CHST11: variants seen among roughly 807,000 people sequenced by gnomAD.
CHST11 encodes C4S-1.
A neutral mutation model predicts 30.4 loss-of-function variants in CHST11; 9 were observed. The observed-to-expected ratio is 0.30, with a 90% CI of 0.18 to 0.52. The LOEUF (loss-of-function observed/expected upper bound fraction) is 0.52. Among genes scored for constraint, CHST11 ranks in the 20% least tolerant of loss-of-function variants. The probability of loss-of-function intolerance (pLI) is 0.97; values close to 1 mark genes in which losing one functional copy is unlikely to be tolerated. For synonymous variants in CHST11, 152 were observed against 187.8 expected, an observed-to-expected ratio of 0.81 and a Z score of 1.56; for missense variants, 348 against 460.6, an observed-to-expected ratio of 0.76 and a Z score of 2.24.
chr12:104,535,911 T>A (rs1264572188), intron 1 of CHST11, among the ~76,000 whole-genome samples: 1 of 152,228 alleles, frequency 6.6e-6, no homozygotes, highest in Admixed American at 6.5e-5. Context: ...CCATATACAG[T>A]GGATTGTGAA....
chr12:104,673,011 T>G (rs954361695), intron 2 of CHST11, among the ~76,000 whole-genome samples: 1 of 152,226 alleles, frequency 6.6e-6, no homozygotes, highest in Non-Finnish European at 1.5e-5. Flanking sequence ...TCAGCAAAGC[T>G]GTACTCCCTC....
chr12:104,460,358 GA>G (rs1305755766), intron 1 of CHST11, among the ~76,000 whole-genome samples: 4 of 152,080 alleles, frequency 2.6e-5, no homozygotes, highest in African/African-American at 7.2e-5. Context: ...GGTATGAGAG[GA>G]GGGAGAGAAA....
chr12:104,642,341 G>A (rs760205058), intron 2 of CHST11, among the ~76,000 whole-genome samples: 5 of 152,092 alleles, frequency 3.3e-5, no homozygotes, highest in Non-Finnish European at 7.3e-5. Context: ...TAGAAGAATT[G>A]TATCATTGTA....
chr12:104,566,686 G>A (rs1221594462), intron 1 of CHST11, among the ~76,000 whole-genome samples: 1 of 152,130 alleles, frequency 6.6e-6, no homozygotes, highest in Non-Finnish European at 1.5e-5. Context: ...TCAATGCTCA[G>A]AATGTTTGAA....
At chr12:104,643,275 C>G (rs770530775) in intron 2 of CHST11, among the ~76,000 whole-genome samples, 2 of 152,204 alleles carry the variant, frequency 1.3e-5, no homozygotes, top group African/African-American at 2.4e-5. Context: ...CTGTAGTGAG[C>G]TATGATTGTG....
chr12:104,677,249 A>G (rs1350278367), intron 2 of CHST11, among the ~76,000 whole-genome samples: 1 of 152,226 alleles, frequency 6.6e-6, no homozygotes, highest in African/African-American at 2.4e-5. Context: ...TGGCCTGGTC[A>G]GAGGGAACAA....
At chr12:104,626,091 A>G (rs1411685639) in intron 2 of CHST11, among the ~76,000 whole-genome samples, 1 of 152,164 alleles carries the variant, frequency 6.6e-6, no homozygotes, top group Non-Finnish European at 1.5e-5. Flanking sequence ...AACCTCCTTC[A>G]GGACACCAGC....
chr12:104,551,480 C>G (rs901429796), intron 1 of CHST11, among the ~76,000 whole-genome samples: 1 of 152,094 alleles, frequency 6.6e-6, no homozygotes, highest in Non-Finnish European at 1.5e-5. Flanking sequence ...AGCCCTGGCT[C>G]AAGTTGCTAG....
intron 1 of CHST11, among the ~76,000 whole-genome samples, chr12:104,543,864 T>C (rs1193445060): frequency 1.3e-5 from 2 of 152,096 alleles, no homozygotes; most frequent in Non-Finnish European, 2.9e-5. Context: ...CATGGAGGTA[T>C]GCACCTATAG....
chr12:104,585,044 A>G (rs2038788399), intron 1 of CHST11, among the ~76,000 whole-genome samples: 1 of 152,206 alleles, frequency 6.6e-6, no homozygotes, highest in South Asian at 2.1e-4. Context: ...TAAAAAGCTA[A>G]TCCCCTCTTT....
At chr12:104,477,874 G>A (rs1268507760) in intron 1 of CHST11, among the ~76,000 whole-genome samples, 1 of 152,212 alleles carries the variant, frequency 6.6e-6, no homozygotes, top group Non-Finnish European at 1.5e-5. Flanking sequence ...ATAGCTCTAG[G>A]AGGCATTGTG....
In CHST11 at chr12:104,519,500, G is replaced by C. The variant is rs2038056343; in HGVS notation, c.118+61971G>C. 2.0e-5 allele frequency among the ~76,000 whole-genome samples: 3 copies of C among 152,276 alleles called. No individual in the cohort carries two copies. In the South Asian group the frequency reaches 6.2e-4, roughly 32 times the overall value. On this transcript the variant is annotated intron_variant, in intron 1 of 2. Coordinates refer to ENST00000303694, the MANE Select transcript of CHST11 (RefSeq NM_018413.6). ...ATGGGTTTTGACCTCAGTGGGGATA[G>C]GTTTGGTTAGAGGGTTGGGTAGAAC...
intron 1 of CHST11, among the ~76,000 whole-genome samples, chr12:104,558,818 C>T (rs1318604450): frequency 2.0e-5 from 3 of 152,086 alleles, no homozygotes; most frequent in African/African-American, 7.3e-5. Flanking sequence ...GGATTACAGG[C>T]TTGAGTCACC....
At chr12:104,567,908 G>A (rs1388728220) in intron 1 of CHST11, among the ~76,000 whole-genome samples, 2 of 152,198 alleles carry the variant, frequency 1.3e-5, no homozygotes, top group Non-Finnish European at 2.9e-5. Context: ...ACTGTTTGGT[G>A]CCTTGCCAGA....
intron 2 of CHST11, among the ~76,000 whole-genome samples, chr12:104,750,428 C>T (rs79391187): frequency 3.3e-4 from 16 of 48,822 alleles, no homozygotes; most frequent in East Asian, 1.0e-3. Context: ...TATTTCTGCA[C>T]TTTTTTTTTT....
At chr12:104,566,659 A>C (rs1167242326) in intron 1 of CHST11, among the ~76,000 whole-genome samples, 1 of 152,152 alleles carries the variant, frequency 6.6e-6, no homozygotes, top group East Asian at 1.9e-4. Flanking sequence ...TGAACCCATG[A>C]GTGTGGCCTT....
chr12:104,565,801 C>G (rs1269650377), intron 1 of CHST11, among the ~76,000 whole-genome samples: 1 of 152,170 alleles, frequency 6.6e-6, no homozygotes, highest in African/African-American at 2.4e-5. Flanking sequence ...TTCTTCTCAG[C>G]AGGCCCTTGA....
At chr12:104,754,456 C>A (rs1453344660) in intron 2 of CHST11, among the ~76,000 whole-genome samples, 1 of 152,214 alleles carries the variant, frequency 6.6e-6, no homozygotes, top group African/African-American at 2.4e-5. Context: ...GTGCCCCAGT[C>A]TTCATCCTCC....
intron 1 of CHST11, among the ~76,000 whole-genome samples, chr12:104,526,807 A>G (rs1291880991): frequency 6.6e-6 from 1 of 152,244 alleles, no homozygotes; most frequent in East Asian, 1.9e-4. Flanking sequence ...TTGAGAACCC[A>G]CACAGATAAG....
Sources: allele counts gnomAD v4.1 joint callset (sites outside exome capture counted in the v4.1 genomes callset), GRCh38; gene constraint gnomAD v4.1.1; transcripts MANE v1.5; gene names NCBI Gene and HGNC (gene_info 2026-07-23, HGNC 2026-07-21).